GRK1: variants seen among roughly 807,000 people sequenced by gnomAD.
The protein encoded by GRK1 is rhodopsin kinase GRK1.
A neutral mutation model predicts 41.7 loss-of-function variants in GRK1; 28 were observed. The observed-to-expected ratio is 0.67, with a 90% CI of 0.50 to 0.92. GRK1 has a LOEUF of 0.92. Ranked by LOEUF, GRK1 falls within the 40% of genes least tolerant of loss-of-function variation. GRK1 has a pLI of 0.00. For missense variants in GRK1, 703 were observed against 671.2 expected, an observed-to-expected ratio of 1.05 and a Z score of -0.52; for synonymous variants, 327 against 286.7, an observed-to-expected ratio of 1.14 and a Z score of -1.42.
At chr13:113,730,024 A>T (rs1379929055) in intron 4 of GRK1, among the ~76,000 whole-genome samples, 10 of 144,210 alleles carry the variant, frequency 6.9e-5, no homozygotes, top group Non-Finnish European at 1.5e-4. Flanking sequence ...ATCCTGACAC[A>T]GTCCCCGTGG....
Position 113,669,721 on chromosome 13 carries a change from T to G in GRK1, c.734T>G (p.Val245Gly). 6.2e-7 allele frequency: 1 copy of G among 1,613,970 alleles called. No homozygotes were observed. Among genetic ancestry groups the G allele is most frequent in the Non-Finnish European group, 8.5e-7 (1 of 1,179,874 alleles). Reference protein sequence around the residue: ...AMVEKKILMKVHSRFIVSLAY... With the variant: ...AMVEKKILMKGHSRFIVSLAY... ...GTGGAGAAGAAGATTCTGATGAAAG[T>G]ACACAGCAGGTTCATCGTGTCTCTG... Residue 245 changes from valine to glycine, a missense_variant, in exon 2 of 7, where the codon GTA becomes GGA. Physicochemically the swap from Val to Gly is moderately radical, Grantham distance 109. Coordinates refer to ENST00000335678, the MANE Select transcript of GRK1 (RefSeq NM_002929.3).
In GRK1 at chr13:113,667,492, C is replaced by T; in HGVS notation, c.106C>T (p.Leu36=). 1 of 1,612,334 alleles carries T rather than the reference C, an allele frequency of 6.2e-7. No homozygotes were observed. Among genetic ancestry groups the T allele is most frequent in the Non-Finnish European group, 8.5e-7 (1 of 1,179,390 alleles). ...CCAACCCTCCCGGGACAAGAAGTACCTGGCCAAGCTCAAGCTGCCCCCGCT... is the reference window on the plus strand; with the variant it reads ...CCAACCCTCCCGGGACAAGAAGTACTTGGCCAAGCTCAAGCTGCCCCCGCT... ...SSQPSRDKKY[L]AKLKLPPLSK... is the part of the protein sequence containing the mutation. Residue 36 remains leucine (L), a synonymous_variant, in exon 1 of 7, where the codon CTG becomes TTG. Coordinates refer to ENST00000335678, the MANE Select transcript of GRK1 (RefSeq NM_002929.3). The surrounding 1 kb of genome is among the most constrained non-coding windows in gnomAD (Gnocchi z 7.5).
At chr13:113,732,045 G>T (rs1180991591) in intron 5 of GRK1, among the ~76,000 whole-genome samples, 3 of 152,214 alleles carry the variant, frequency 2.0e-5, no homozygotes, top group Admixed American at 6.5e-5. Flanking sequence ...GGAGGTGCCA[G>T]TCCCTTATTC....
At chr13:113,734,003 C>CGT (rs753515772) in intron 6 of GRK1, among the ~76,000 whole-genome samples, 3 of 113,076 alleles carry the variant, frequency 2.7e-5, no homozygotes, top group African/African-American at 1.4e-4. Flanking sequence ...CATGTGTGTG[C>CGT]GTGTGCGTGC....
At chr13:113,658,993 G>T in the GRK1 span, among the ~76,000 whole-genome samples, 4 of 152,166 alleles carry the variant, frequency 2.6e-5, no homozygotes, top group Non-Finnish European at 5.9e-5. Context: ...CCAGGTGGGG[G>T]ATGCTCAGCC....
the GRK1 span, chr13:113,650,528 C>A: frequency 6.3e-7 from 1 of 1,598,804 alleles, no homozygotes; most frequent in Non-Finnish European, 8.5e-7. The surrounding 1 kb of genome is among the most constrained non-coding windows in gnomAD (Gnocchi z 5.0). Context: ...GAGGCCACTG[C>A]CTGAGTCAGG....
At chr13:113,724,414 G>A (rs1035980898) in intron 4 of GRK1, among the ~76,000 whole-genome samples, 1 of 152,226 alleles carries the variant, frequency 6.6e-6, no homozygotes, top group Non-Finnish European at 1.5e-5. Flanking sequence ...CTGTGGGGAG[G>A]CAGTGCTGTC....
At chr13:113,727,919 G>T (rs1332628159) in intron 4 of GRK1, among the ~76,000 whole-genome samples, 1 of 90,860 alleles carries the variant, frequency 1.1e-5, no homozygotes, top group South Asian at 4.4e-4. Flanking sequence ...GAGTACCCAT[G>T]GCGATGAGGA....
At chr13:113,653,481 A>C in the GRK1 span, 1 of 1,546,210 alleles carries the variant, frequency 6.5e-7, no homozygotes, top group South Asian at 1.1e-5. Context: ...TGCTCACCAC[A>C]TTTAAGCCAT....
chr13:113,735,133 G>C lies in GRK1; in HGVS notation c.1462G>C (p.Gly488Arg), dbSNP rs1054188782. ...TVYAKDIQDVGAFSTVKGVAF... is the reference protein window; with the variant it reads ...TVYAKDIQDVRAFSTVKGVAF... Reference sequence around the variant, plus strand: ...CTACGCAAAGGATATTCAGGACGTGGGTGCCTTTTCCACCGTCAAAGGTGT... The same window carrying C: ...CTACGCAAAGGATATTCAGGACGTGCGTGCCTTTTCCACCGTCAAAGGTGT... Residue 488 changes from glycine (G) to arginine (R), a missense_variant, in exon 7 of 7, where the codon GGT (glycine) becomes CGT (arginine). Physicochemically the swap from Gly to Arg is moderately radical, Grantham distance 125 (BLOSUM62 -2). Coordinates refer to ENST00000335678, the MANE Select transcript of GRK1 (RefSeq NM_002929.3). The C allele has an allele frequency of 6.5e-7, 1 of 1,537,102 alleles. No homozygotes were observed. The highest frequency in any genetic ancestry group is 2.4e-5 in the East Asian group (1 of 40,920).
chr13:113,728,657 G>T (rs529284863), intron 4 of GRK1, among the ~76,000 whole-genome samples: 1 of 152,198 alleles, frequency 6.6e-6, no homozygotes, highest in Non-Finnish European at 1.5e-5. Flanking sequence ...CCCCGGCTCC[G>T]TGGAACAGGC....
chr13:113,725,172 GCCCTCC>G (rs1264239547), intron 4 of GRK1, among the ~76,000 whole-genome samples: 9 of 104,554 alleles, frequency 8.6e-5, no homozygotes, highest in Middle Eastern at 6.0e-3. Context: ...GCACCCTCGC[GCCCTCC>G]CACGCGCCCC....
the GRK1 span, chr13:113,658,289 C>A: frequency 1.7e-6 from 1 of 593,028 alleles, no homozygotes; most frequent in Non-Finnish European, 2.6e-6. Context: ...AGGCCAGGGC[C>A]GTTTATCAGC....
chr13:113,733,175 C>T (rs945712676), intron 6 of GRK1, 90 bp downstream of exon 6: 2 of 1,337,462 alleles, frequency 1.5e-6, no homozygotes, highest in Non-Finnish European at 2.0e-6. Flanking sequence ...TGAGAGTCGG[C>T]AGGGAGGAGT....
At chr13:113,726,475 C>T (rs1204026349) in intron 4 of GRK1, 10 of 155,780 alleles carry the variant, frequency 6.4e-5, no homozygotes, top group African/African-American at 2.0e-4. Flanking sequence ...GTGCACAGGG[C>T]GGGGCCGGTC....
At chr13:113,655,754 C>T in the GRK1 span, among the ~76,000 whole-genome samples, 1 of 152,198 alleles carries the variant, frequency 6.6e-6, no homozygotes, top group Non-Finnish European at 1.5e-5. Flanking sequence ...TGAACTGGGC[C>T]TCCTGCTCCT....
upstream of GRK1, among the ~76,000 whole-genome samples, chr13:113,665,431 C>T (rs1420209100): frequency 2.1e-5 from 3 of 142,992 alleles, no homozygotes; most frequent in Non-Finnish European, 4.6e-5. Flanking sequence ...CCAGGTGTGT[C>T]ACAGCTGCAT....
rs1269897797 is a variant in GRK1 at position 113,735,529 on chromosome 13, C to T, written c.*166C>T. 7 of 734,618 alleles carry T rather than the reference C, an allele frequency of 9.5e-6. No individual in the cohort carries two copies. Among genetic ancestry groups the T allele is most frequent in the African/African-American group, 1.8e-5 (1 of 56,160 alleles). The allele number at this position is 734,618 out of a possible 1,614,324, so 45.5% of individuals were successfully genotyped here. ...TGCGGCCCAAGGAGGAGAAAGCCCA[C>T]ATCGGCCTGAGCCGCCAGACGCACA... On this transcript the variant is annotated 3_prime_UTR_variant, in exon 7 of 7. Transcript: ENST00000335678.
the GRK1 span, among the ~76,000 whole-genome samples, chr13:113,657,560 A>G: frequency 6.6e-6 from 1 of 152,204 alleles, no homozygotes; most frequent in African/African-American, 2.4e-5. Flanking sequence ...AGGCTGAGGC[A>G]GGCCTGGTTT....
Sources: allele counts gnomAD v4.1 joint callset (sites outside exome capture counted in the v4.1 genomes callset), GRCh38; gene constraint gnomAD v4.1.1; non-coding constraint Gnocchi (gnomAD v3.1); transcripts MANE v1.5; gene names NCBI Gene and HGNC (gene_info 2026-07-23, HGNC 2026-07-21).